MYO10: variants seen among roughly 807,000 people sequenced by gnomAD.
MYO10 encodes the protein myosin X, also known as unconventional myosin-X.
MYO10 carries 133 observed loss-of-function variants against 257.3 expected under a neutral mutation model. That is an observed-to-expected ratio of 0.52 (90% CI 0.45 to 0.60). The LOEUF (loss-of-function observed/expected upper bound fraction) is 0.60. Ranked by LOEUF, MYO10 falls within the 20% of genes least tolerant of loss-of-function variation. The pLI is 0.00. For synonymous variants in MYO10, 1,104 were observed against 1,028.6 expected (o/e 1.07, Z -1.40); for missense variants, 2,399 against 2,635.7 (o/e 0.91, Z 1.97).
chr5:16,747,454 T>C lies in MYO10; in HGVS notation c.1929+7374A>G, dbSNP rs185064262. Among the ~76,000 whole-genome samples, 401 of 152,328 alleles carry C rather than the reference T, an allele frequency of 2.6e-3. 1 individual carries two copies. The highest frequency in any genetic ancestry group is 4.9e-3 in the Non-Finnish European group (333 of 68,038). The stretch of plus-strand genomic sequence containing the variant: ...GAGTAACTCAACGTTACTGAGCACC[T>C]ATAAATAGTCTGGACCCTGAGGTGT... On this transcript the variant is annotated intron_variant, in intron 19 of 40. Transcript: ENST00000513610.
chr5:16,794,227 C>A (rs571775715), intron 4 of MYO10, among the ~76,000 whole-genome samples: 1 of 152,016 alleles, frequency 6.6e-6, no homozygotes, highest in East Asian at 1.9e-4. Context: ...AAAAAAGAAA[C>A]CTTGTTCACA....
At chr5:16,864,694 G>C (rs1484539067) in intron 2 of MYO10, among the ~76,000 whole-genome samples, 6 of 152,140 alleles carry the variant, frequency 3.9e-5, no homozygotes, top group African/African-American at 1.4e-4. Context: ...GGAGCTAAGT[G>C]CGCTAATAAA....
intron 2 of MYO10, among the ~76,000 whole-genome samples, chr5:16,853,066 A>T (rs991602006): frequency 3.3e-5 from 5 of 152,058 alleles, no homozygotes; most frequent in African/African-American, 1.2e-4. Flanking sequence ...ATCCATTATA[A>T]AAAAAAATCA....
intron 4 of MYO10, among the ~76,000 whole-genome samples, chr5:16,790,001 T>C (rs1043264022): frequency 1.3e-5 from 2 of 151,996 alleles, no homozygotes; most frequent in African/African-American, 4.8e-5. Context: ...TGTTTCCCAC[T>C]CCACCTCTTT....
intron 26 of MYO10, among the ~76,000 whole-genome samples, chr5:16,696,625 A>T (rs1045524154): frequency 3.0e-5 from 2 of 66,796 alleles, no homozygotes; most frequent in Non-Finnish European, 6.3e-5. Context: ...TGGGAGGCTG[A>T]GGCGGGTGGA....
chr5:16,680,768 T>C (rs1736956037), intron 32 of MYO10, among the ~76,000 whole-genome samples: 2 of 152,206 alleles, frequency 1.3e-5, no homozygotes, highest in Non-Finnish European at 1.5e-5. Context: ...ACAGGTTGCA[T>C]AGGACGCTCA....
intron 2 of MYO10, among the ~76,000 whole-genome samples, chr5:16,841,380 A>G (rs1266122814): frequency 1.3e-5 from 2 of 152,210 alleles, no homozygotes; most frequent in Non-Finnish European, 2.9e-5. Context: ...CTTATTACTA[A>G]CAACACAAAC....
chr5:16,675,277 T>C, intron 34 of MYO10, 127 bp from the exon 35 acceptor site: 1 of 883,094 alleles, frequency 1.1e-6, no homozygotes, highest in Non-Finnish European at 1.7e-6. Flanking sequence ...CCACACTCCC[T>C]ATACATCTCA....
chr5:16,777,839 C>CTTTTTTTT lies in MYO10; in HGVS notation c.930+1698_930+1705dup, dbSNP rs61326508. Among the ~76,000 whole-genome samples, 46 of 88,474 alleles carry CTTTTTTTT rather than the reference C, an allele frequency of 5.2e-4. 5 individuals carry two copies. Among genetic ancestry groups the CTTTTTTTT allele is most frequent in the East Asian group, 1.3e-3 (3 of 2,340 alleles). The allele number at this position is 88,474 out of a possible 152,430, so 58.0% of individuals were successfully genotyped here. On this transcript the variant is annotated intron_variant, in intron 9 of 40. Transcript: ENST00000513610. ...GCCACCCTAGGTGCATTGCATCTAA[C>CTTTTTTTT]TTTTTTTTTTTTTTTTTTTTTTTTT...
intron 1 of MYO10, among the ~76,000 whole-genome samples, chr5:16,891,320 A>AAAGG (rs59008302): frequency 0.086 from 7,419 of 86,738 alleles, 274 homozygotes; most frequent in Non-Finnish European, 0.1. Context: ...GGAGAAGAGA[A>AAAGG]AAGGAAGGAA....
rs945764089 is a variant in MYO10 at position 16,923,679 on chromosome 5, C to T, written c.21+12109G>A. Among the ~76,000 whole-genome samples, 5 of 151,620 alleles carry T rather than the reference C, an allele frequency of 3.3e-5. No individual in the cohort carries two copies. The Admixed American group carries it at 3.3e-4, about 10-fold the overall frequency. On this transcript the variant is annotated intron_variant, in intron 1 of 40. Coordinates refer to ENST00000513610, the MANE Select transcript of MYO10 (RefSeq NM_012334.3). ...ACACGCCCATACACACACACACACA[C>T]ACACACACACACACACTCCCTAACA...
chr5:16,686,380 G>C (rs1347033299), intron 28 of MYO10, among the ~76,000 whole-genome samples: 1 of 152,038 alleles, frequency 6.6e-6, no homozygotes, highest in Non-Finnish European at 1.5e-5. Flanking sequence ...ATGCTCACTG[G>C]AACATTTCAA....
chr5:16,691,467 G>A (rs969908307), intron 27 of MYO10, among the ~76,000 whole-genome samples: 13 of 152,040 alleles, frequency 8.6e-5, no homozygotes, highest in Non-Finnish European at 1.9e-4. Context: ...GGGAGGATGA[G>A]GCAGGCGGAT....
intron 19 of MYO10, 25 bp downstream of exon 19, chr5:16,754,803 A>C (rs372344293): frequency 6.5e-7 from 1 of 1,547,614 alleles, no homozygotes; most frequent in African/African-American, 1.4e-5. Flanking sequence ...GACAGATCCC[A>C]GCCTAGGACT....
intron 14 of MYO10, among the ~76,000 whole-genome samples, chr5:16,763,007 A>T (rs1740765638): frequency 6.6e-6 from 1 of 151,890 alleles, no homozygotes; most frequent in Non-Finnish European, 1.5e-5. Flanking sequence ...TGTGCGTCCC[A>T]AACTATTTGA....
chr5:16,666,810 A>C lies in MYO10; in HGVS notation c.6076-17T>G, dbSNP rs371737257. On this transcript the variant is annotated splice_polypyrimidine_tract_variant and intron_variant, in intron 40 of 40. Coordinates refer to ENST00000513610, the MANE Select transcript of MYO10 (RefSeq NM_012334.3). ...ATCCACCACCTGCCCAGGGGGAAGCAGAACCGACACAGCGTCACAAGTCTC... is the reference window on the plus strand; with the variant it reads ...ATCCACCACCTGCCCAGGGGGAAGCCGAACCGACACAGCGTCACAAGTCTC... The C allele has an allele frequency of 6.9e-4, 1,085 of 1,577,398 alleles. 15 individuals are homozygous for C. The South Asian group carries it at 0.012, about 17-fold the overall frequency.
intron 19 of MYO10, among the ~76,000 whole-genome samples, chr5:16,730,920 G>A (rs1328462829): frequency 6.6e-6 from 1 of 152,160 alleles, no homozygotes; most frequent in African/African-American, 2.4e-5. Flanking sequence ...GTGAGGTCGT[G>A]GGCTGTCATG....
At chr5:16,789,722 G>A (rs886701740) in intron 4 of MYO10, among the ~76,000 whole-genome samples, 4 of 152,148 alleles carry the variant, frequency 2.6e-5, no homozygotes, top group Non-Finnish European at 5.9e-5. Context: ...GAACTTGGGA[G>A]GAGGAGCCGA....
chr5:16,703,029 C>G lies in MYO10; in HGVS notation c.2406G>C (p.Gln802His), dbSNP rs759905126. The stretch of plus-strand genomic sequence containing the variant: ...ATTGTCTGTAAACTCTCCGAGCAAT[C>G]TGACCTCTGAGTTGCTTCTGGAAAA... The part of the protein sequence containing the change: ...AIVFQKQLRG[Q>H]IARRVYRQLL... The change falls in exon 23 of 41, where the codon CAG becomes CAC. Residue 802 changes from glutamine (Q) to histidine (H), a missense_variant. By Grantham distance (24) the Gln-to-His change is conservative (BLOSUM62 0). This residue lies in a region of MYO10 where 1,820 missense variants were observed against 1,939.4 expected (regional missense o/e 0.94). Transcript: ENST00000513610. 8.4e-6 allele frequency: 13 copies of G among 1,553,340 alleles called. No individual in the cohort carries two copies. The highest frequency in any genetic ancestry group is 1.0e-5 in the Non-Finnish European group (12 of 1,147,524).
Sources: gnomAD v4.1 joint callset for allele counts (sites outside exome capture counted in the v4.1 genomes callset) on GRCh38, gnomAD v4.1.1 for gene constraint, gnomAD v4.1.1 regional missense constraint, MANE v1.5 for transcripts, NCBI Gene and HGNC (gene_info 2026-07-23, HGNC 2026-07-21) for gene names.